MTAP: variants seen among roughly 807,000 people sequenced by gnomAD.
MTAP encodes the protein methylthioadenosine phosphorylase.
A neutral mutation model predicts 33.6 loss-of-function variants in MTAP; 33 were observed. The ratio of observed to expected loss-of-function variants is 0.98; its 90% confidence interval spans 0.74 to 1.31. The LOEUF (loss-of-function observed/expected upper bound fraction) is 1.31, where lower values mean the gene tolerates loss of function less well. Ranked by LOEUF, MTAP falls within the 40% of genes most tolerant of loss-of-function variation. The pLI is 0.00. For missense variants in MTAP, 367 were observed against 360.0 expected, an observed-to-expected ratio of 1.02 and a Z score of -0.16; for synonymous variants, 148 against 125.7, an observed-to-expected ratio of 1.18 and a Z score of -1.19.
At chr9:21,859,463 ACTCT>A in intron 7 of MTAP, 38 bp downstream of exon 7, 1 of 1,576,126 alleles carries the variant, frequency 6.3e-7, no homozygotes, top group East Asian at 2.3e-5. Context: ...ATGTCTGTAG[ACTCT>A]CTATTGTCTT....
intron 1 of MTAP, among the ~76,000 whole-genome samples, chr9:21,917,247 A>G (rs1237620780): frequency 6.6e-6 from 1 of 152,214 alleles, no homozygotes; most frequent in Non-Finnish European, 1.5e-5. Flanking sequence ...TGTACATAAA[A>G]GTCTTGAATT....
chr9:21,819,579 T>G (rs1824577341), intron 4 of MTAP, among the ~76,000 whole-genome samples: 1 of 152,242 alleles, frequency 6.6e-6, no homozygotes, highest in South Asian at 2.1e-4. Context: ...TTTGCTATTG[T>G]GAATAGTGCC....
intron 1 of MTAP, among the ~76,000 whole-genome samples, chr9:21,913,388 G>C (rs949174409): frequency 2.6e-5 from 4 of 152,118 alleles, no homozygotes; most frequent in Non-Finnish European, 1.5e-5. Flanking sequence ...ATATTACAAG[G>C]CTACAGTAAC....
At chr9:21,829,589 C>G (rs1824916527) in intron 4 of MTAP, among the ~76,000 whole-genome samples, 1 of 151,674 alleles carries the variant, frequency 6.6e-6, no homozygotes. Flanking sequence ...GAACCACACA[C>G]ATTGGCCTAT....
In MTAP at chr9:21,884,653, T is replaced by C. The variant is rs960825174; in HGVS notation, c.147+29783T>C. On this transcript the variant is annotated intron_variant, in intron 1 of 1. Transcript: ENST00000577563. The stretch of plus-strand genomic sequence containing the variant: ...TCTTGCTGTAGCCTCACATGGCCGC[T>C]AGTGAACTCTAGTTTCTTTCTCTTC... Among the ~76,000 whole-genome samples the C allele has an allele frequency of 2.0e-5, 3 of 152,160 alleles. 1 individual carries two copies. The East Asian group carries it at 5.8e-4, about 29-fold the overall frequency.
At chr9:21,845,380 C>T (rs1563844185) in intron 5 of MTAP, among the ~76,000 whole-genome samples, 1 of 152,084 alleles carries the variant, frequency 6.6e-6, no homozygotes, top group Non-Finnish European at 1.5e-5. Context: ...TATAGACCAA[C>T]AGCAACCAAG....
intron 1 of MTAP, among the ~76,000 whole-genome samples, chr9:21,872,566 T>G (rs1825953173): frequency 6.6e-6 from 1 of 152,194 alleles, no homozygotes; most frequent in African/African-American, 2.4e-5. Flanking sequence ...CAAACCTTAC[T>G]CATTTTATTA....
chr9:21,930,623 A>C, intron 1 of MTAP: 1 of 398,182 alleles, frequency 2.5e-6, no homozygotes. Flanking sequence ...GGAAATAGCC[A>C]GCAAGTTTAA....
intron 1 of MTAP, among the ~76,000 whole-genome samples, chr9:21,906,435 G>C (rs1818478909): frequency 6.6e-6 from 1 of 152,108 alleles, no homozygotes; most frequent in South Asian, 2.1e-4. Context: ...ATTTGAAGAA[G>C]TTACCCAGAA....
chr9:21,832,530 C>T (rs1824994378), intron 4 of MTAP, among the ~76,000 whole-genome samples: 1 of 152,214 alleles, frequency 6.6e-6, no homozygotes, highest in East Asian at 1.9e-4. Flanking sequence ...ATAGAGAAGA[C>T]AGAAACTTAA....
At chr9:21,896,649 C>T (rs149386920) in intron 1 of MTAP, among the ~76,000 whole-genome samples, 4,046 of 152,198 alleles carry the variant, frequency 0.027, 191 homozygotes, top group African/African-American at 0.092. Flanking sequence ...TGGATAAATT[C>T]CTGGATACAT....
intron 4 of MTAP, among the ~76,000 whole-genome samples, chr9:21,829,629 G>GGA (rs1824918112): frequency 7.0e-6 from 1 of 142,320 alleles, no homozygotes; most frequent in African/African-American, 2.5e-5. Flanking sequence ...CGTTGTCTCA[G>GGA]AAAAAAAAAA....
At chr9:21,822,579 T>C (rs951776820) in intron 4 of MTAP, among the ~76,000 whole-genome samples, 3 of 152,346 alleles carry the variant, frequency 2.0e-5, no homozygotes. Flanking sequence ...ATAAGTGTGA[T>C]GTGGTGCCGA....
At chr9:21,869,372 G>A (rs1206315810), downstream of MTAP, among the ~76,000 whole-genome samples, 2 of 152,064 alleles carry the variant, frequency 1.3e-5, no homozygotes, top group Non-Finnish European at 2.9e-5. Context: ...TGATACACTT[G>A]ACCCCTTCCT....
intron 1 of MTAP, chr9:21,803,039 A>ACACACACACACACACACACACC (rs1554640712): frequency 4.2e-6 from 2 of 472,328 alleles, no homozygotes; most frequent in South Asian, 6.7e-5. Context: ...CACACACACC[A>ACACACACACACACACACACACC]CCTTTTGGCT....
chr9:21,931,056 A>G (rs760348159), exon 2 of MTAP: 2 of 764,500 alleles, frequency 2.6e-6, no homozygotes, highest in Non-Finnish European at 4.8e-6. Flanking sequence ...TCCTTTCAAT[A>G]TTCAAGAGTC....
At chr9:21,917,463 G>T (rs77166849) in intron 1 of MTAP, among the ~76,000 whole-genome samples, 2,710 of 152,188 alleles carry the variant, frequency 0.018, 61 homozygotes, top group African/African-American at 0.048. Flanking sequence ...GGGAGCAACT[G>T]GTGAGGAAAA....
intron 1 of MTAP, among the ~76,000 whole-genome samples, chr9:21,904,755 C>T (rs1818448231): frequency 6.6e-6 from 1 of 152,164 alleles, no homozygotes; most frequent in Non-Finnish European, 1.5e-5. Flanking sequence ...ATAATTGTCT[C>T]GATCTACTTA....
chr9:21,822,389 C>T (rs148203127), intron 4 of MTAP, among the ~76,000 whole-genome samples: 2 of 152,164 alleles, frequency 1.3e-5, no homozygotes, highest in East Asian at 3.9e-4. Context: ...TGTTATGTAC[C>T]CAGTAGTCAT....
Sources: allele counts gnomAD v4.1 joint callset (sites outside exome capture counted in the v4.1 genomes callset), GRCh38; gene constraint gnomAD v4.1.1; transcripts MANE v1.5; gene names NCBI Gene and HGNC (gene_info 2026-07-23, HGNC 2026-07-21).